CSNK1G2: variants seen among roughly 807,000 people sequenced by gnomAD.
CSNK1G2 encodes casein kinase 1 gamma 2.
CSNK1G2 carries 11 observed loss-of-function variants against 48.0 expected under a neutral mutation model. The ratio of observed to expected loss-of-function variants is 0.23; its 90% confidence interval spans 0.14 to 0.38. The LOEUF (loss-of-function observed/expected upper bound fraction) is 0.38, where lower values mean the gene tolerates loss of function less well. CSNK1G2 is among the 10% of genes least tolerant of loss of function. The pLI, the probability that CSNK1G2 is intolerant of heterozygous loss-of-function variation, is 1.00. For missense variants in CSNK1G2, 446 were observed against 595.5 expected (o/e 0.75, Z 2.61); for synonymous variants, 337 against 254.1 (o/e 1.33, Z -3.10).
intron 2 of CSNK1G2, among the ~76,000 whole-genome samples, chr19:1,974,183 C>A (rs142538356): frequency 6.6e-6 from 1 of 152,166 alleles, no homozygotes; most frequent in Non-Finnish European, 1.5e-5. Flanking sequence ...TGAGCCACTG[C>A]ACCTGGCCAG....
chr19:1,979,150 CCT>C lies in CSNK1G2; in HGVS notation c.683-12_683-11del. The C allele has an allele frequency of 6.5e-7, 1 of 1,533,160 alleles. No individual in the cohort carries two copies. The allele number at this position is 1,533,160 out of a possible 1,614,324, so 95.0% of individuals were successfully genotyped here. The stretch of plus-strand genomic sequence containing the variant: ...GCCCGGACCCCGCTGAGGCTGCGCC[CCT>C]GTCCCCGCAGAGCAGAGCCGCCGCG... On this transcript the variant is annotated splice_polypyrimidine_tract_variant and intron_variant, in intron 6 of 11. Transcript: ENST00000255641.
At chr19:1,946,432 C>T (rs1397915076) in intron 1 of CSNK1G2, among the ~76,000 whole-genome samples, 1 of 149,568 alleles carries the variant, frequency 6.7e-6, no homozygotes, top group African/African-American at 2.5e-5. Flanking sequence ...GCTGGGACTA[C>T]AGGCGACCGC....
At position 1,951,603 on chromosome 19, in the gene CSNK1G2, G is replaced by A. The variant is rs185126878; in HGVS notation, c.-266+10185G>A. Among the ~76,000 whole-genome samples the A allele has an allele frequency of 4.8e-5, 7 of 145,096 alleles. 1 individual carries two copies. The highest frequency in any genetic ancestry group is 1.3e-4 in the African/African-American group (5 of 37,734). On this transcript the variant is annotated intron_variant, in intron 1 of 11. Transcript: ENST00000255641. ...CAGCCTCCCGATGGGCCAGGATGGG[G>A]GATGCTTGGGTGCCCTCAGGATGTG...
At chr19:1,951,550 G>A (rs1180300292) in intron 1 of CSNK1G2, among the ~76,000 whole-genome samples, 2 of 146,458 alleles carry the variant, frequency 1.4e-5, no homozygotes, top group Non-Finnish European at 1.5e-5. Flanking sequence ...TGGTGTGCAT[G>A]ACGGACAGGG....
In CSNK1G2 at chr19:1,952,938, G is replaced by A. The variant is rs549113127; in HGVS notation, c.-266+11520G>A. The A allele has an allele frequency of 1.0e-4, 46 of 444,380 alleles. 1 individual carries two copies. The highest frequency in any genetic ancestry group is 7.6e-4 in the South Asian group (44 of 57,994). The allele number at this position is 444,380 out of a possible 1,614,324, so 27.5% of individuals were successfully genotyped here. ...CCTTCGAGTGGAGGGAAACCGGGGC[G>A]GGATGTCGCCCGGCGGCTCCCACAC... On this transcript the variant is annotated intron_variant, in intron 1 of 11. Coordinates refer to ENST00000255641, the MANE Select transcript of CSNK1G2 (RefSeq NM_001319.7).
intron 1 of CSNK1G2, among the ~76,000 whole-genome samples, chr19:1,959,884 C>T (rs1316234378): frequency 1.3e-5 from 2 of 151,428 alleles, no homozygotes; most frequent in Non-Finnish European, 2.9e-5. Flanking sequence ...TCCCCCAGCA[C>T]CCGCCCCACC....
At position 1,978,921 on chromosome 19, in the gene CSNK1G2, C is replaced by T; in HGVS notation, c.510C>T (p.Asn170=). The part of the protein sequence containing the change: ...SLIYRDVKPE[N]FLVGRPGTKR... ...TCTACCGGGACGTGAAGCCCGAGAACTTCCTGGTGGGCCGCCCGGGGACCA... is the reference window on the plus strand; with the variant it reads ...TCTACCGGGACGTGAAGCCCGAGAATTTCCTGGTGGGCCGCCCGGGGACCA... Residue 170 remains asparagine, a synonymous_variant, in exon 6 of 12, where the codon AAC becomes AAT. Transcript: ENST00000255641. The surrounding 1 kb of genome is among the most constrained non-coding windows in gnomAD (Gnocchi z 7.3). The T allele has an allele frequency of 6.2e-7, 1 of 1,602,756 alleles. No individual in the cohort carries two copies. Among genetic ancestry groups the T allele is most frequent in the Non-Finnish European group, 8.5e-7 (1 of 1,179,654 alleles).
rs2014340820 is a variant in CSNK1G2, at chr19:1,941,172, A to C, written c.-512A>C. On this transcript the variant is annotated 5_prime_UTR_variant, in exon 1 of 12. Coordinates refer to ENST00000255641, the MANE Select transcript of CSNK1G2 (RefSeq NM_001319.7). The stretch of plus-strand genomic sequence containing the variant: ...CGTATGGCTGCCGCCCCCCGCTGGC[A>C]GACGCTGGCGGCGTAAGGCGCGCGG... 6.8e-6 allele frequency: 1 copy of C among 145,988 alleles called. No homozygotes were observed. Among genetic ancestry groups the C allele is most frequent in the South Asian group, 2.1e-4 (1 of 4,780 alleles). 9.0% of individuals were successfully genotyped at this position (145,988 alleles called of 1,614,324 possible).
In CSNK1G2 at chr19:1,959,697, G is replaced by A. The variant is rs529788076; in HGVS notation, c.-265-9811G>A. Among the ~76,000 whole-genome samples the A allele has an allele frequency of 1.5e-4, 18 of 122,518 alleles. 1 individual carries two copies. In the South Asian group the frequency reaches 3.8e-3, roughly 26 times the overall value. 80.4% of individuals were successfully genotyped at this position (122,518 alleles called of 152,430 possible). On this transcript the variant is annotated intron_variant, in intron 1 of 11. Transcript: ENST00000255641. ...TGCCACCGTGGGTCCCCCAGCACCC[G>A]TCCCACCTTTAGTGCCACCCTGAGT...
In CSNK1G2 at chr19:1,969,756, C is replaced by T; in HGVS notation, c.-17C>T. 2 of 1,288,564 alleles carry T rather than the reference C, an allele frequency of 1.6e-6. No homozygotes were observed. Among genetic ancestry groups the T allele is most frequent in the Non-Finnish European group, 2.0e-6 (2 of 1,010,520 alleles). The allele number at this position is 1,288,564 out of a possible 1,614,324, so 79.8% of individuals were successfully genotyped here. The stretch of plus-strand genomic sequence containing the variant: ...GGCAGCAGAGTCACCGTGGAGAGGC[C>T]AGGGTATCACAAACTTATGGATTTT... On this transcript the variant is annotated 5_prime_UTR_variant, in exon 2 of 12. Coordinates refer to ENST00000255641, the MANE Select transcript of CSNK1G2 (RefSeq NM_001319.7).
chr19:1,973,764 T>C (rs991644409), intron 2 of CSNK1G2, among the ~76,000 whole-genome samples: 2 of 152,208 alleles, frequency 1.3e-5, no homozygotes, highest in East Asian at 3.8e-4. Flanking sequence ...CAGCTGAGAT[T>C]TCCCATGTGC....
At chr19:1,945,257 A>AC (rs1261892042) in intron 1 of CSNK1G2, among the ~76,000 whole-genome samples, 1 of 151,572 alleles carries the variant, frequency 6.6e-6, no homozygotes, top group Non-Finnish European at 1.5e-5. Flanking sequence ...CGCTTCTCAG[A>AC]CCCCCGGGCT....
At chr19:1,948,035 C>T (rs193264439) in intron 1 of CSNK1G2, among the ~76,000 whole-genome samples, 45 of 152,264 alleles carry the variant, frequency 3.0e-4, no homozygotes, top group African/African-American at 9.9e-4. Flanking sequence ...CTTCGTGGGC[C>T]GGGACCCGGG....
At chr19:1,951,688 GT>G (rs66562131) in intron 1 of CSNK1G2, among the ~76,000 whole-genome samples, 69,537 of 140,502 alleles carry the variant, frequency 0.49, 22,637 homozygotes, top group Non-Finnish European at 0.65. Context: ...CTTCTCTGCT[GT>G]TTTTTTTTGG....
chr19:1,942,844 T>G (rs2014418759), intron 1 of CSNK1G2, among the ~76,000 whole-genome samples: 1 of 152,142 alleles, frequency 6.6e-6, no homozygotes, highest in Non-Finnish European at 1.5e-5. Context: ...GTACTTTGTT[T>G]TGTTTTCCCC....
chr19:1,953,203 C>T (rs1473947516), intron 1 of CSNK1G2, among the ~76,000 whole-genome samples: 2 of 152,156 alleles, frequency 1.3e-5, no homozygotes, highest in African/African-American at 4.8e-5. Context: ...CCTGACTCTG[C>T]CTGCACGTTC....
rs754443192 is a variant in CSNK1G2 at position 1,978,835 on chromosome 19, C to A, written c.448-24C>A. 3 of 1,592,910 alleles carry A rather than the reference C, an allele frequency of 1.9e-6. No individual in the cohort carries two copies. In the South Asian group the frequency reaches 3.3e-5, roughly 18 times the overall value. On this transcript the variant is annotated intron_variant, in intron 5 of 11. Coordinates refer to ENST00000255641, the MANE Select transcript of CSNK1G2 (RefSeq NM_001319.7). This position sits in a 1 kb window ranked among gnomAD's most constrained non-coding sequence, Gnocchi z 7.3. ...CGCGTGGGACGGGGAGGGGCCCGGCCGACACCGCCGTGCCCCCCTGCAGAT... is the reference window on the plus strand; with the variant it reads ...CGCGTGGGACGGGGAGGGGCCCGGCAGACACCGCCGTGCCCCCCTGCAGAT...
intron 2 of CSNK1G2, among the ~76,000 whole-genome samples, chr19:1,973,538 C>T (rs1045956788): frequency 1.7e-4 from 26 of 152,232 alleles, no homozygotes; most frequent in Admixed American, 5.9e-4. Context: ...TCTGGTTCTG[C>T]GTGTGACAGG....
chr19:1,967,731 CCTT>C (rs1159311733), intron 1 of CSNK1G2, among the ~76,000 whole-genome samples: 12 of 75,678 alleles, frequency 1.6e-4, no homozygotes, highest in South Asian at 5.2e-4. Flanking sequence ...TGGGGCTCCT[CCTT>C]CCTCCCTCCT....
Sources: allele counts gnomAD v4.1 joint callset (sites outside exome capture counted in the v4.1 genomes callset), GRCh38; gene constraint gnomAD v4.1.1; non-coding constraint Gnocchi (gnomAD v3.1); transcripts MANE v1.5; gene names NCBI Gene and HGNC (gene_info 2026-07-23, HGNC 2026-07-21).